The following NOS3 variants were observed in gnomAD, a reference collection of about 807,000 sequenced individuals.
NOS3 encodes the protein NOS type III.
In NOS3, 98 loss-of-function variants were observed where a neutral mutation model predicts 144.9. The ratio of observed to expected loss-of-function variants is 0.68; its 90% CI spans 0.57 to 0.80. NOS3 has a LOEUF of 0.80. Ranked by LOEUF, NOS3 falls within the 30% of genes least tolerant of loss-of-function variation. NOS3 has a pLI of 0.00. For synonymous variants in NOS3, 714 were observed against 702.4 expected (o/e 1.02, Z -0.26); for missense variants, 1,465 against 1,656.4 (o/e 0.88, Z 2.01).
In NOS3 at chr7:151,002,120, CA is replaced by C; in HGVS notation, c.1648-79del. 1 of 1,399,326 alleles carries C rather than the reference CA, an allele frequency of 7.1e-7. No individual in the cohort carries two copies. Among genetic ancestry groups the C allele is most frequent in the Non-Finnish European group, 9.9e-7 (1 of 1,009,002 alleles). 86.7% of individuals were successfully genotyped at this position (1,399,326 alleles called of 1,614,324 possible). A position where few individuals can be genotyped will look rare whatever the true frequency, so the allele number is the denominator to read the frequency against. ...AGATCAAGTTGGGGCCTGAATCTTG[CA>C]CTGCCAGGGAGGCCAGAGTGAGGAG... On this transcript the variant is annotated intron_variant, in intron 13 of 26. Coordinates refer to ENST00000297494, the MANE Select transcript of NOS3 (RefSeq NM_000603.5). The surrounding 1 kb of genome is among the most constrained non-coding windows in gnomAD (Gnocchi z 4.1).
At position 151,001,368 on chromosome 7, in the gene NOS3, T is replaced by C; in HGVS notation, c.1371T>C (p.Thr457=). The C allele has an allele frequency of 6.2e-7, 1 of 1,611,546 alleles. No homozygotes were observed. Among genetic ancestry groups the C allele is most frequent in the Non-Finnish European group, 8.5e-7 (1 of 1,178,554 alleles). Residue 457 remains threonine (T), a synonymous_variant, in exon 11 of 27, where the codon ACT becomes ACC. Transcript: ENST00000297494. ...WIVPPISGSL[T]PVFHQEMVNY... Reference sequence around the variant, plus strand: ...TGCCCCCCATCTCGGGCAGCCTCACTCCTGTTTTCCATCAGGAGATGGTCA... The same window carrying C: ...TGCCCCCCATCTCGGGCAGCCTCACCCCTGTTTTCCATCAGGAGATGGTCA...
chr7:151,010,122 T>TC lies in NOS3; in HGVS notation c.2526dup (p.Gly843ArgfsTer189). 2 of 1,591,308 alleles carry TC rather than the reference T, an allele frequency of 1.3e-6. No homozygotes were observed. The highest frequency in any genetic ancestry group is 1.1e-5 in the South Asian group (1 of 89,494). On this transcript the variant is annotated frameshift_variant, in exon 21 of 27. Coordinates refer to ENST00000297494, the MANE Select transcript of NOS3 (RefSeq NM_000603.5). LOFTEE classifies it high-confidence loss of function. Reference sequence around the variant, plus strand: ...CCTGTGCACTATCCCCAGGTGGCCCTCCCCCCGGCTGGGTGCGGGACCCCC... The same window carrying TC: ...CCTGTGCACTATCCCCAGGTGGCCCTCCCCCCCGGCTGGGTGCGGGACCCCC...
chr7:150,993,687 C>T lies in NOS3; in HGVS notation c.-51-66C>T, dbSNP rs778954095. ...CATTGTGTATGGGATAGGGGCGGGG[C>T]GAGGGCCAGCACTGGAGAGCCCCCT... On this transcript the variant is annotated intron_variant, in intron 1 of 26. Coordinates refer to ENST00000297494, the MANE Select transcript of NOS3 (RefSeq NM_000603.5). The surrounding 1 kb of genome is among the most constrained non-coding windows in gnomAD (Gnocchi z 4.0). 1.5e-5 allele frequency: 15 copies of T among 1,031,436 alleles called. No homozygotes were observed. The highest frequency in any genetic ancestry group is 6.7e-5 in the South Asian group (4 of 59,576). 63.9% of individuals were successfully genotyped at this position (1,031,436 alleles called of 1,614,324 possible). A position where few individuals can be genotyped will look rare whatever the true frequency, so the allele number is the denominator to read the frequency against.
intron 4 of NOS3, 48 bp downstream of exon 4, chr7:150,996,600 C>A: frequency 6.4e-7 from 1 of 1,556,644 alleles, no homozygotes; most frequent in Non-Finnish European, 8.7e-7. Flanking sequence ...ACTGAGGCCC[C>A]AGAAACCCCG....
Position 151,013,230 on chromosome 7 carries a change from G to A in NOS3, c.3107-1G>A. 2 of 1,611,954 alleles carry A rather than the reference G, an allele frequency of 1.2e-6. No homozygotes were observed. The highest frequency in any genetic ancestry group is 2.2e-5 in the South Asian group (2 of 90,914). Reference sequence around the variant, plus strand: ...CTTCCCAAGCGCGGGGTTGCTTGCAGGGCTGCAGCCCACTCCCATGACTTT... The same window carrying A: ...CTTCCCAAGCGCGGGGTTGCTTGCAAGGCTGCAGCCCACTCCCATGACTTT... On this transcript the variant is annotated splice_acceptor_variant, in intron 24 of 26. Transcript: ENST00000297494. LOFTEE classifies it high-confidence loss of function.
chr7:150,999,385 C>T lies in NOS3; in HGVS notation c.1131+21C>T, dbSNP rs73472532. The T allele has an allele frequency of 1.2e-5, 18 of 1,543,990 alleles. No individual in the cohort carries two copies. In the East Asian group the frequency reaches 1.8e-4, roughly 16 times the overall value. ...TGGAGGTGAGGTGCGGGATGGGGCT[C>T]GGGCACCGAATGCACCTGTCCAAGG... On this transcript the variant is annotated intron_variant, in intron 9 of 26. Transcript: ENST00000297494.
Position 151,010,743 on chromosome 7 carries a change from G to A in NOS3, c.2832G>A (p.Ser944=), listed in dbSNP as rs139739639. 8.7e-6 allele frequency: 14 copies of A among 1,613,400 alleles called. No homozygotes were observed. The highest frequency in any genetic ancestry group is 5.5e-5 in the South Asian group (5 of 90,956). Residue 944 remains serine, a synonymous_variant, in exon 22 of 27, where the codon TCG becomes TCA. Coordinates refer to ENST00000297494, the MANE Select transcript of NOS3 (RefSeq NM_000603.5). The part of the protein sequence containing the change: ...LLQPRYYSVS[S]APSTHPGEIH... ...AGCCCCGGTACTACTCAGTCAGCTC[G>A]GCACCCAGCACCCACCCAGGAGAGA...
chr7:150,998,897 G>T lies in NOS3; in HGVS notation c.817-49G>T, dbSNP rs1802499384. On this transcript the variant is annotated intron_variant, in intron 7 of 26. Transcript: ENST00000297494. The surrounding 1 kb of genome is among the most constrained non-coding windows in gnomAD (Gnocchi z 5.0). ...GACAGTGGATGGAGGGGTCCCTGAG[G>T]AGGGCATGAGGCTCAGCCCCAGAAC... 6.3e-6 allele frequency: 10 copies of T among 1,575,036 alleles called. No homozygotes were observed. The highest frequency in any genetic ancestry group is 8.6e-6 in the Non-Finnish European group (10 of 1,161,552).
intron 2 of NOS3, 106 bp from the exon 3 acceptor site, chr7:150,995,097 T>C (rs1302147327): frequency 1.6e-6 from 1 of 608,290 alleles, no homozygotes; most frequent in Non-Finnish European, 2.9e-6. Flanking sequence ...ATGCGGCAGG[T>C]GGGCTGTGAG....
In NOS3 at chr7:150,996,510, A is replaced by T. The variant is rs149224629; in HGVS notation, c.377A>T (p.Gln126Leu). Reference sequence around the variant, plus strand: ...CCGGCCCCTGAGCAGCTGCTGAGTCAGGCCCGGGACTTCATCAACCAGTAC... The same window carrying T: ...CCGGCCCCTGAGCAGCTGCTGAGTCTGGCCCGGGACTTCATCAACCAGTAC... ...GPPAPEQLLS[Q>L]ARDFINQYYS... Residue 126 changes from glutamine to leucine, a missense_variant, in exon 4 of 27, where the codon CAG becomes CTG. Gln to Leu is a moderately radical substitution (Grantham distance 113). This residue lies in a region of NOS3 where 374 missense variants were observed against 377.0 expected (regional missense o/e 0.99). Coordinates refer to ENST00000297494, the MANE Select transcript of NOS3 (RefSeq NM_000603.5). 73 of 1,603,644 alleles carry T rather than the reference A, an allele frequency of 4.6e-5. No individual in the cohort carries two copies. In the African/African-American group the frequency reaches 8.1e-4, roughly 18 times the overall value.
chr7:151,001,822 G>A lies in NOS3; in HGVS notation c.1504G>A (p.Ala502Thr). 6 of 1,613,686 alleles carry A rather than the reference G, an allele frequency of 3.7e-6. No individual in the cohort carries two copies. Among genetic ancestry groups the A allele is most frequent in the South Asian group, 1.1e-5 (1 of 91,084 alleles). The change falls in exon 13 of 27, where the codon GCC (alanine) becomes ACC (threonine). Residue 502 changes from alanine (A) to threonine (T), a missense_variant and splice_region_variant. Physicochemically the swap from Ala to Thr is moderately conservative, Grantham distance 58 (BLOSUM62 0). This residue lies in a region of NOS3 where 745 missense variants were observed against 853.9 expected (regional missense o/e 0.87). Coordinates refer to ENST00000297494, the MANE Select transcript of NOS3 (RefSeq NM_000603.5). ...CCCTCACACCTTCCTCTCCCGCAGCGCCGTGAAGATCTCCGCCTCGCTCAT... is the reference window on the plus strand; with the variant it reads ...CCCTCACACCTTCCTCTCCCGCAGCACCGTGAAGATCTCCGCCTCGCTCAT... ...RKKTFKEVAN[A>T]VKISASLMGT...
chr7:151,001,245 C>T lies in NOS3; in HGVS notation c.1248C>T (p.Thr416=), dbSNP rs1341386922. 3 of 1,613,394 alleles carry T rather than the reference C, an allele frequency of 1.9e-6. No individual in the cohort carries two copies. The highest frequency in any genetic ancestry group is 2.5e-6 in the Non-Finnish European group (3 of 1,179,954). ...VLHSYQLAKV[T]IVDHHAATAS... ...CTCCCTTCCAGCTAGCCAAAGTCAC[C>T]ATCGTGGACCACCACGCCGCCACGG... The change falls in exon 11 of 27, where the codon ACC becomes ACT. Residue 416 remains threonine (T), a synonymous_variant. Coordinates refer to ENST00000297494, the MANE Select transcript of NOS3 (RefSeq NM_000603.5).
chr7:151,010,156 C>A lies in NOS3; in HGVS notation c.2554C>A (p.Pro852Thr). 6.2e-7 allele frequency: 1 copy of A among 1,610,478 alleles called. No homozygotes were observed. Among genetic ancestry groups the A allele is most frequent in the Non-Finnish European group, 8.5e-7 (1 of 1,178,996 alleles). The change falls in exon 21 of 27, where the codon CCG becomes ACG. Residue 852 changes from proline to threonine, a missense_variant. Transcript: ENST00000297494. ...PGWVRDPRLP[P>T]CTLRQALTFF... is the part of the protein sequence containing the mutation. Reference sequence around the variant, plus strand: ...CTGGGTGCGGGACCCCCGGCTGCCCCCGTGCACGCTGCGCCAGGCTCTCAC... The same window carrying A: ...CTGGGTGCGGGACCCCCGGCTGCCCACGTGCACGCTGCGCCAGGCTCTCAC...
At chr7:151,011,807 A>T in intron 23 of NOS3, 1 of 440,320 alleles carries the variant, frequency 2.3e-6, no homozygotes. Flanking sequence ...TACAGGTGTG[A>T]GCCACCGCGC....
At chr7:150,991,923 G>C (rs1052311293) in intron 1 of NOS3, among the ~76,000 whole-genome samples, 4 of 151,898 alleles carry the variant, frequency 2.6e-5, no homozygotes, top group Admixed American at 2.6e-4. Flanking sequence ...TTGAACCCAG[G>C]AGGCGGAGGT....
At chr7:151,009,290 C>T in intron 19 of NOS3, 23 bp downstream of exon 19, 2 of 1,591,798 alleles carry the variant, frequency 1.3e-6, no homozygotes, top group Non-Finnish European at 1.7e-6. Context: ...GCTTTACCGC[C>T]CCCCCACCCC....
intron 12 of NOS3, 79 bp downstream of exon 12, chr7:151,001,696 C>T: frequency 6.4e-7 from 1 of 1,566,484 alleles, no homozygotes; most frequent in Non-Finnish European, 8.8e-7. Flanking sequence ...GGGGACCCTG[C>T]CCCAGCAGTG....
At chr7:151,010,480 A>G (rs532465928) in intron 21 of NOS3, 117 bp from the exon 22 acceptor site, 11 of 1,174,452 alleles carry the variant, frequency 9.4e-6, no homozygotes, top group African/African-American at 6.2e-5. Context: ...AGAAAACTCT[A>G]TTGGCCTGAA....
chr7:151,013,304 G>A lies in NOS3; in HGVS notation c.3180G>A (p.Glu1060=), dbSNP rs3730011. ...AACTTGACCATCTCTACCGCGACGA[G>A]GTGCAGAACGCCCAGCAGCGCGGGG... ...CSQLDHLYRD[E]VQNAQQRGVF... The change falls in exon 25 of 27, where the codon GAG becomes GAA. Residue 1060 remains glutamate, a synonymous_variant. Coordinates refer to ENST00000297494, the MANE Select transcript of NOS3 (RefSeq NM_000603.5). The A allele has an allele frequency of 5.4e-4, 872 of 1,614,124 alleles. 6 individuals are homozygous for A. The African/African-American group carries it at 0.01, about 19-fold the overall frequency.
Sources: gnomAD v4.1 joint callset for allele counts (sites outside exome capture counted in the v4.1 genomes callset) on GRCh38, gnomAD v4.1.1 for gene constraint, gnomAD v4.1.1 regional missense constraint, Gnocchi (gnomAD v3.1) non-coding constraint, MANE v1.5 for transcripts, NCBI Gene and HGNC (gene_info 2026-07-23, HGNC 2026-07-21) for gene names.